Variants in ELMO1 observed in about 807,000 individuals in gnomAD.
ELMO1 encodes engulfment and cell motility protein 1.
In ELMO1, 26 loss-of-function variants were observed where a neutral mutation model predicts 98.9. The observed-to-expected ratio is 0.26, with a 90% confidence interval of 0.19 to 0.36. ELMO1 has a LOEUF of 0.36. Among genes scored for constraint, ELMO1 ranks in the 10% least tolerant of loss-of-function variants. The pLI, the probability that ELMO1 is intolerant of heterozygous loss-of-function variation, is 1.00. For synonymous variants in ELMO1, 346 were observed against 346.0 expected (o/e 1.00, Z 0.00); for missense variants, 627 against 935.2 (o/e 0.67, Z 4.30).
At chr7:37,112,670 T>G (rs777516196) in intron 14 of ELMO1, among the ~76,000 whole-genome samples, 6 of 152,226 alleles carry the variant, frequency 3.9e-5, no homozygotes, top group Non-Finnish European at 8.8e-5. Flanking sequence ...AGTTGCTTTA[T>G]AAAATACAAG....
intron 16 of ELMO1, among the ~76,000 whole-genome samples, chr7:36,950,298 T>C (rs1006717653): frequency 1.3e-5 from 2 of 152,212 alleles, no homozygotes; most frequent in East Asian, 1.9e-4. Flanking sequence ...ACTCAGGAAC[T>C]GAGCAGCCCA....
chr7:37,333,541 C>T (rs1197446364), intron 2 of ELMO1, among the ~76,000 whole-genome samples: 4 of 152,194 alleles, frequency 2.6e-5, no homozygotes, highest in African/African-American at 9.7e-5. Flanking sequence ...CTCAATTAAA[C>T]TCAGCTCAGT....
At chr7:37,340,501 T>A (rs574074076) in intron 2 of ELMO1, among the ~76,000 whole-genome samples, 1 of 152,212 alleles carries the variant, frequency 6.6e-6, no homozygotes, top group African/African-American at 2.4e-5. Flanking sequence ...ACAATTCGTA[T>A]CCCTGGATTG....
At chr7:37,199,663 A>G (rs1160896491) in intron 13 of ELMO1, among the ~76,000 whole-genome samples, 3 of 152,322 alleles carry the variant, frequency 2.0e-5, no homozygotes, top group Admixed American at 6.5e-5. Context: ...GCAACAGCAC[A>G]TGCCTTGCAG....
At chr7:37,176,487 T>C (rs865918467) in intron 13 of ELMO1, among the ~76,000 whole-genome samples, 4 of 152,192 alleles carry the variant, frequency 2.6e-5, no homozygotes, top group South Asian at 2.1e-4. Context: ...AAATGTACAA[T>C]ATAATATTGC....
At chr7:37,000,987 C>A (rs1223636635) in intron 16 of ELMO1, among the ~76,000 whole-genome samples, 2 of 150,020 alleles carry the variant, frequency 1.3e-5, no homozygotes, top group Non-Finnish European at 3.0e-5. Flanking sequence ...GGAGTTCCAA[C>A]CAATCTTCTT....
At chr7:37,244,581 A>G (rs189565663) in intron 6 of ELMO1, among the ~76,000 whole-genome samples, 190 bp from the exon 7 acceptor site, 21 of 152,368 alleles carry the variant, frequency 1.4e-4, no homozygotes, top group Non-Finnish European at 1.5e-4. Flanking sequence ...ATCAGAAACA[A>G]ACAATCAAAA....
chr7:36,862,710 G>T (rs911728250), intron 20 of ELMO1, among the ~76,000 whole-genome samples: 1 of 152,194 alleles, frequency 6.6e-6, no homozygotes, highest in African/African-American at 2.4e-5. Context: ...CAGCATGGAG[G>T]TTCCAGTGTG....
intron 1 of ELMO1, among the ~76,000 whole-genome samples, chr7:37,399,655 G>A (rs759787758): frequency 6.6e-6 from 1 of 152,206 alleles, no homozygotes. Context: ...CCAGTATTCA[G>A]AATACGCTGA....
In ELMO1 at chr7:36,855,468, C is replaced by T; in HGVS notation, c.*83G>A. The T allele has an allele frequency of 6.4e-7, 1 of 1,558,412 alleles. No homozygotes were observed. Among genetic ancestry groups the T allele is most frequent in the Non-Finnish European group, 8.8e-7 (1 of 1,135,112 alleles). On this transcript the variant is annotated 3_prime_UTR_variant, in exon 22 of 22. Transcript: ENST00000310758. The surrounding 1 kb of genome is among the most constrained non-coding windows in gnomAD (Gnocchi z 4.2). ...GCTTCCCTTTACCAAAGGACGGTTC[C>T]AAGGCGTGGGTGTGTTTTCATTCCT...
At chr7:37,137,835 C>A (rs1179937601) in intron 13 of ELMO1, among the ~76,000 whole-genome samples, 1 of 152,018 alleles carries the variant, frequency 6.6e-6, no homozygotes, top group Admixed American at 6.6e-5. Flanking sequence ...CTGTGCCTGG[C>A]CCAAGTCTCA....
At chr7:37,294,560 C>T (rs1797934560) in intron 4 of ELMO1, among the ~76,000 whole-genome samples, 1 of 152,148 alleles carries the variant, frequency 6.6e-6, no homozygotes, top group Non-Finnish European at 1.5e-5. Flanking sequence ...TTTCTACATT[C>T]TATTCTAGAG....
intron 14 of ELMO1, among the ~76,000 whole-genome samples, chr7:37,102,203 G>A (rs1482099400): frequency 6.6e-6 from 1 of 152,094 alleles, no homozygotes; most frequent in Non-Finnish European, 1.5e-5. Context: ...GGAGACTCGG[G>A]AGTCACTTCT....
intron 14 of ELMO1, among the ~76,000 whole-genome samples, chr7:37,113,085 C>T (rs78947126): frequency 1.4e-4 from 21 of 152,332 alleles, no homozygotes; most frequent in Non-Finnish European, 3.1e-4. Flanking sequence ...GGTTTTCACT[C>T]CAGGACGGAC....
chr7:37,374,427 G>C (rs1409990584), intron 1 of ELMO1, among the ~76,000 whole-genome samples: 4 of 152,206 alleles, frequency 2.6e-5, no homozygotes, highest in Non-Finnish European at 5.9e-5. Context: ...CTGGTTGCCA[G>C]ATAAAAAAGA....
intron 13 of ELMO1, among the ~76,000 whole-genome samples, chr7:37,178,529 G>A (rs1181578491): frequency 6.6e-6 from 1 of 151,982 alleles, no homozygotes; most frequent in Non-Finnish European, 1.5e-5. Context: ...CTGAGCCCAG[G>A]AGGCAGAGGT....
intron 18 of ELMO1, among the ~76,000 whole-genome samples, chr7:36,880,469 T>C (rs562878229): frequency 1.3e-5 from 2 of 152,368 alleles, no homozygotes; most frequent in Admixed American, 6.5e-5. Flanking sequence ...ATGTGTAAGA[T>C]ATATTGATTT....
intron 8 of ELMO1, among the ~76,000 whole-genome samples, chr7:37,230,772 A>G (rs1001867946): frequency 6.6e-6 from 1 of 152,230 alleles, no homozygotes; most frequent in Admixed American, 6.5e-5. Context: ...TAAGTATTAA[A>G]AAATCAATGA....
intron 16 of ELMO1, among the ~76,000 whole-genome samples, chr7:36,923,449 T>C (rs947275382): frequency 2.0e-5 from 3 of 152,134 alleles, no homozygotes; most frequent in African/African-American, 7.2e-5. Flanking sequence ...AAGAAAATAA[T>C]GATAAAAACC....
Sources: gnomAD v4.1 joint callset for allele counts (sites outside exome capture counted in the v4.1 genomes callset) on GRCh38, gnomAD v4.1.1 for gene constraint, Gnocchi (gnomAD v3.1) non-coding constraint, MANE v1.5 for transcripts, NCBI Gene and HGNC (gene_info 2026-07-23, HGNC 2026-07-21) for gene names.